The following MTFR1 variants were observed in gnomAD, a reference collection of about 807,000 sequenced individuals.
MTFR1 encodes the protein chondrocyte protein with a poly-proline region.
MTFR1 carries 28 observed loss-of-function variants against 38.8 expected under a neutral mutation model. The ratio of observed to expected loss-of-function variants is 0.72; its 90% CI spans 0.53 to 0.99. MTFR1 has a LOEUF of 0.99. Among genes scored for constraint, MTFR1 ranks in the 50% least tolerant of loss-of-function variants. The pLI is 0.00. For missense variants in MTFR1, 358 were observed against 395.5 expected, an observed-to-expected ratio of 0.91 and a Z score of 0.81; for synonymous variants, 145 against 137.0, an observed-to-expected ratio of 1.06 and a Z score of -0.41.
At chr8:65,673,846 C>G (rs151169208) in intron 2 of MTFR1, among the ~76,000 whole-genome samples, 1,674 of 152,070 alleles carry the variant, frequency 0.011, 38 homozygotes, top group African/African-American at 0.039. Flanking sequence ...GCGGAGTTTG[C>G]AGTGAGCCGA....
intron 3 of MTFR1, among the ~76,000 whole-genome samples, chr8:65,740,870 C>T (rs763290787): frequency 2.0e-4 from 30 of 152,064 alleles, no homozygotes; most frequent in Non-Finnish European, 1.0e-4. Flanking sequence ...ATCTCTGAAA[C>T]AATAAAGAAT....
At chr8:65,693,995 C>T (rs969386623) in intron 4 of MTFR1, among the ~76,000 whole-genome samples, 2 of 151,650 alleles carry the variant, frequency 1.3e-5, no homozygotes, top group African/African-American at 4.8e-5. Flanking sequence ...CTTGACCTCC[C>T]AGGCTCATGT....
intron 3 of MTFR1, chr8:65,734,855 T>C (rs1468449248): frequency 2.5e-6 from 4 of 1,612,566 alleles, no homozygotes; most frequent in African/African-American, 2.7e-5. Context: ...GACTGCGTTA[T>C]GGTAAGGATT....
At chr8:65,647,624 A>C (rs536647800) in intron 1 of MTFR1, among the ~76,000 whole-genome samples, 1 of 152,184 alleles carries the variant, frequency 6.6e-6, no homozygotes, top group East Asian at 1.9e-4. Context: ...GTACGTTTTG[A>C]AGTGATGATA....
chr8:65,677,981 A>G (rs534557100), intron 2 of MTFR1, among the ~76,000 whole-genome samples: 2 of 148,232 alleles, frequency 1.3e-5, no homozygotes, highest in South Asian at 4.3e-4. Flanking sequence ...ATGCCACTGC[A>G]CTCCAGCCTG....
At chr8:65,720,845 GCCA>G (rs2129063762) in intron 3 of MTFR1, among the ~76,000 whole-genome samples, 1 of 152,320 alleles carries the variant, frequency 6.6e-6, no homozygotes, top group Admixed American at 6.5e-5. Context: ...GTTATGTTGA[GCCA>G]GCCACCCAAA....
chr8:65,771,325 C>A, downstream of MTFR1: 1 of 152,422 alleles, frequency 6.6e-6, no homozygotes. Flanking sequence ...AGAATATGTT[C>A]AACATGGAGA....
At chr8:65,659,840 GAGCTTTCTGTCC>G (rs1809363344) in intron 1 of MTFR1, among the ~76,000 whole-genome samples, 1 of 152,134 alleles carries the variant, frequency 6.6e-6, no homozygotes, top group African/African-American at 2.4e-5. Flanking sequence ...AATATTTCCT[GAGCTTTCTGTCC>G]AGTCTTCCCT....
rs1808745418 is a variant in MTFR1 at position 65,765,678 on chromosome 8, C to T, written c.*49-5269C>T. The T allele has an allele frequency of 4.6e-5, 7 of 152,042 alleles. No individual in the cohort carries two copies. The South Asian group carries it at 6.2e-4, about 14-fold the overall frequency. The allele number at this position is 152,042 out of a possible 1,614,324, so 9.4% of individuals were successfully genotyped here. On this transcript the variant is annotated intron_variant, in intron 3 of 3. Transcript: ENST00000521247. ...GCTGGATGTTGGCAGAGAGACCAGG[C>T]CCTCCAGTCTGGATGACGTCAATGA...
intron 3 of MTFR1, among the ~76,000 whole-genome samples, chr8:65,761,219 C>A (rs1222466062): frequency 1.3e-5 from 2 of 152,152 alleles, no homozygotes; most frequent in African/African-American, 4.8e-5. Flanking sequence ...GCACGCACCA[C>A]CATGCCCAGC....
At chr8:65,760,093 A>T (rs1407233027) in intron 3 of MTFR1, among the ~76,000 whole-genome samples, 3 of 152,122 alleles carry the variant, frequency 2.0e-5, no homozygotes, top group Admixed American at 6.6e-5. Context: ...TGCAAAAATT[A>T]TCTGGGTGTG....
At chr8:65,698,142 A>ATTTTTTTTTTTTTTTTTTTTTTTTT (rs566832979) in intron 4 of MTFR1, among the ~76,000 whole-genome samples, 1 of 121,400 alleles carries the variant, frequency 8.2e-6, no homozygotes, top group Admixed American at 8.4e-5. Flanking sequence ...TGAGTCCATG[A>ATTTTTTTTTTTTTTTTTTTTTTTTT]TTTTTTTTTT....
At chr8:65,751,426 C>A (rs1452770687) in intron 3 of MTFR1, among the ~76,000 whole-genome samples, 1 of 151,964 alleles carries the variant, frequency 6.6e-6, no homozygotes, top group East Asian at 1.9e-4. Flanking sequence ...CAAGCCCTAC[C>A]CCAAAATGGT....
chr8:65,771,861 C>A (rs942177496), downstream of MTFR1, among the ~76,000 whole-genome samples: 3 of 121,192 alleles, frequency 2.5e-5, no homozygotes, highest in Non-Finnish European at 4.8e-5. Context: ...GGCAACAGAT[C>A]GAGACTCCGA....
In MTFR1 at chr8:65,673,920, A is replaced by G. The variant is rs188841367; in HGVS notation, c.66+3902A>G. On this transcript the variant is annotated intron_variant, in intron 2 of 7. Transcript: ENST00000262146. ...GACCCCGTCTCAAAAAAAAAATAGT[A>G]ATGCATAAGTTTGAAATATTGTGTG... is the stretch of plus-strand genomic sequence containing the variant. 3.3e-3 allele frequency among the ~76,000 whole-genome samples: 503 copies of G among 152,250 alleles called. 3 individuals are homozygous for G. Among genetic ancestry groups the G allele is most frequent in the African/African-American group, 0.011 (476 of 41,542 alleles).
intron 4 of MTFR1, among the ~76,000 whole-genome samples, chr8:65,703,434 T>G (rs1402688819): frequency 1.5e-4 from 19 of 127,688 alleles, no homozygotes; most frequent in South Asian, 5.6e-4. Flanking sequence ...TTTTTTTTTT[T>G]TTTTTTTTTT....
intron 3 of MTFR1, chr8:65,739,646 C>T: frequency 7.1e-7 from 1 of 1,400,888 alleles, no homozygotes. Context: ...CAAGTCAACA[C>T]AATTATATTA....
chr8:65,735,817 G>A (rs1807106816), intron 3 of MTFR1, among the ~76,000 whole-genome samples: 1 of 151,764 alleles, frequency 6.6e-6, no homozygotes, highest in East Asian at 1.9e-4. Flanking sequence ...TCACAATGGG[G>A]TTTCACCATG....
intron 1 of MTFR1, among the ~76,000 whole-genome samples, chr8:65,666,407 A>G (rs1465975605): frequency 6.6e-6 from 1 of 152,234 alleles, no homozygotes; most frequent in Non-Finnish European, 1.5e-5. Flanking sequence ...CTTTGTCTCA[A>G]AACAAAAACA....
Sources: allele counts gnomAD v4.1 joint callset (sites outside exome capture counted in the v4.1 genomes callset), GRCh38; gene constraint gnomAD v4.1.1; transcripts MANE v1.5; gene names NCBI Gene and HGNC (gene_info 2026-07-23, HGNC 2026-07-21).